Variants in PLEKHG4B observed in about 807,000 individuals in gnomAD.
PLEKHG4B encodes pleckstrin homology and RhoGEF domain containing G4B.
In PLEKHG4B, 111 loss-of-function variants were observed where a neutral mutation model predicts 121.3. The observed-to-expected ratio is 0.92, with a 90% CI of 0.78 to 1.07. The LOEUF (loss-of-function observed/expected upper bound fraction) is 1.07. Among genes scored for constraint, PLEKHG4B ranks in the 50% least tolerant of loss-of-function variants. PLEKHG4B has a pLI of 0.00. For missense variants in PLEKHG4B, 1,831 were observed against 1,757.8 expected, an observed-to-expected ratio of 1.04 and a Z score of -0.74; for synonymous variants, 738 against 725.0, an observed-to-expected ratio of 1.02 and a Z score of -0.29.
Position 183,416 on chromosome 5 carries a change from A to G in PLEKHG4B, c.*1093A>G, listed in dbSNP as rs1343119762. 2 of 152,222 alleles carry G rather than the reference A, an allele frequency of 1.3e-5. No individual in the cohort carries two copies. Among genetic ancestry groups the G allele is most frequent in the African/African-American group, 4.8e-5 (2 of 41,442 alleles). 9.4% of individuals were successfully genotyped at this position (152,222 alleles called of 1,614,324 possible). On this transcript the variant is annotated 3_prime_UTR_variant, in exon 20 of 20. Coordinates refer to ENST00000637938, the MANE Select transcript of PLEKHG4B (RefSeq NM_052909.5). ...ACCCAGAGCCAGCGTCTGTGCTAGA[A>G]TCACAGAATTCAAACTGTGGCTGAA...
In PLEKHG4B at chr5:143,161, G is replaced by A; in HGVS notation, c.1592G>A (p.Trp531Ter). ...CAGCCACACCCCGAGCAAGAAGGGT[G>A]GCCACCCGGCACAGGAGACTTCCCC... is the stretch of plus-strand genomic sequence containing the variant. ...ARQPHPEQEG[W>*]PPGTGDFPSQ... The change falls in exon 4 of 20, where the codon TGG becomes TAG. Residue 531 changes from tryptophan to a stop codon, truncating the protein, a stop_gained. Transcript: ENST00000637938. LOFTEE classifies it high-confidence loss of function. 1 of 1,612,314 alleles carries A rather than the reference G, an allele frequency of 6.2e-7. No homozygotes were observed.
At chr5:151,725 C>A in intron 7 of PLEKHG4B, 126 bp downstream of exon 7, 1 of 586,348 alleles carries the variant, frequency 1.7e-6, no homozygotes, top group Non-Finnish European at 2.8e-6. Flanking sequence ...GCCTGGAAAC[C>A]TACTTCCTAC....
intron 2 of PLEKHG4B, among the ~76,000 whole-genome samples, chr5:123,661 T>A (rs1230850458): frequency 1.3e-5 from 2 of 152,184 alleles, no homozygotes; most frequent in Non-Finnish European, 2.9e-5. Flanking sequence ...CAGCTAATAA[T>A]AATTTTTCAT....
intron 1 of PLEKHG4B, among the ~76,000 whole-genome samples, chr5:102,816 T>A (rs936320847): frequency 6.6e-6 from 1 of 152,158 alleles, no homozygotes; most frequent in African/African-American, 2.4e-5. Context: ...TTGGGCCCCC[T>A]TGGAACTCCT....
At chr5:119,540 A>T (rs1734407435) in intron 2 of PLEKHG4B, among the ~76,000 whole-genome samples, 1 of 152,176 alleles carries the variant, frequency 6.6e-6, no homozygotes, top group Non-Finnish European at 1.5e-5. Context: ...GAACATGAAG[A>T]CCTTTACCAC....
At chr5:105,068 G>A (rs1195707846) in intron 1 of PLEKHG4B, among the ~76,000 whole-genome samples, 10 of 152,178 alleles carry the variant, frequency 6.6e-5, no homozygotes. Flanking sequence ...GGTGAGGGCT[G>A]TTCTGGTTCT....
rs944584786 is a variant in PLEKHG4B at position 127,399 on chromosome 5, G to A, written c.244-12084G>A. ...TTATTATAGGCTGCCTCTGTGCCAA[G>A]GCCCAGCCTGAGGTGTAACCGTAAG... On this transcript the variant is annotated intron_variant, in intron 2 of 19. Coordinates refer to ENST00000637938, the MANE Select transcript of PLEKHG4B (RefSeq NM_052909.5). 7.7e-5 allele frequency among the ~76,000 whole-genome samples: 11 copies of A among 142,694 alleles called. 1 individual carries two copies. The Admixed American group carries it at 7.8e-4, about 10-fold the overall frequency. 93.6% of individuals were successfully genotyped at this position (142,694 alleles called of 152,430 possible).
intron 6 of PLEKHG4B, among the ~76,000 whole-genome samples, chr5:148,132 C>CA (rs886780174): frequency 3.3e-5 from 5 of 151,322 alleles, no homozygotes; most frequent in African/African-American, 4.9e-5. Flanking sequence ...TACTCAATGG[C>CA]AAAAAAACTG....
At chr5:147,387 G>A (rs1735454447) in intron 6 of PLEKHG4B, among the ~76,000 whole-genome samples, 1 of 152,206 alleles carries the variant, frequency 6.6e-6, no homozygotes. Flanking sequence ...GCAGTGGTCT[G>A]TGCTTCACCT....
intron 13 of PLEKHG4B, 117 bp downstream of exon 13, chr5:163,665 T>A: frequency 1.2e-6 from 1 of 858,188 alleles, no homozygotes; most frequent in Non-Finnish European, 1.7e-6. Flanking sequence ...CAGACATCCC[T>A]CTGGGTCCAC....
chr5:92,542 G>A, intron 1 of PLEKHG4B, among the ~76,000 whole-genome samples: 1 of 144,526 alleles, frequency 6.9e-6, no homozygotes, highest in African/African-American at 2.6e-5. Flanking sequence ...GGGGACTGGG[G>A]TGGGAGGGGG....
rs924109898 is a variant in PLEKHG4B, at chr5:188,249, G to A, written c.*5926G>A. 8 of 152,538 alleles carry A rather than the reference G, an allele frequency of 5.2e-5. No individual in the cohort carries two copies. Among genetic ancestry groups the A allele is most frequent in the Non-Finnish European group, 1.2e-4 (8 of 68,176 alleles). 9.4% of individuals were successfully genotyped at this position (152,538 alleles called of 1,614,324 possible). ...ACACGCCTCTCCCAAGGTCACCCACGTGGGGGCTTTGTTACTCATGCTTCC... is the reference window on the plus strand; with the variant it reads ...ACACGCCTCTCCCAAGGTCACCCACATGGGGGCTTTGTTACTCATGCTTCC... On this transcript the variant is annotated 3_prime_UTR_variant, in exon 20 of 20. Coordinates refer to ENST00000637938, the MANE Select transcript of PLEKHG4B (RefSeq NM_052909.5).
Position 140,162 on chromosome 5 carries a change from CG to C in PLEKHG4B, c.928del (p.Glu310ArgfsTer72). ...PRMPPENCGG[S>X]GERPDPMDQE... Reference sequence around the variant, plus strand: ...ATGCCCCCTGAGAACTGTGGGGGGTCGGGGGAGAGGCCGGACCCCATGGACC... The same window carrying C: ...ATGCCCCCTGAGAACTGTGGGGGGTCGGGGAGAGGCCGGACCCCATGGACC... On this transcript the variant is annotated frameshift_variant, in exon 3 of 20. Transcript: ENST00000637938. LOFTEE classifies it high-confidence loss of function. The C allele has an allele frequency of 2.5e-6, 2 of 807,812 alleles. No individual in the cohort carries two copies. The highest frequency in any genetic ancestry group is 1.8e-5 in the African/African-American group (1 of 56,326). The allele number at this position is 807,812 out of a possible 1,614,324, so 50.0% of individuals were successfully genotyped here.
intron 1 of PLEKHG4B, among the ~76,000 whole-genome samples, chr5:96,351 G>A (rs1253145040): frequency 6.6e-6 from 1 of 151,270 alleles, no homozygotes; most frequent in African/African-American, 2.5e-5. Context: ...AAGGAAAAAA[G>A]AATGAGTTCC....
In PLEKHG4B at chr5:161,846, C is replaced by T. The variant is rs753789509; in HGVS notation, c.2551C>T (p.Gln851Ter). 3.1e-6 allele frequency: 5 copies of T among 1,613,782 alleles called. No individual in the cohort carries two copies. The South Asian group carries it at 4.4e-5, about 14-fold the overall frequency. Residue 851 changes from glutamine (Q) to a stop codon, truncating the protein, a stop_gained, in exon 12 of 20, where the codon CAG (glutamine) becomes TAG (stop). Coordinates refer to ENST00000637938, the MANE Select transcript of PLEKHG4B (RefSeq NM_052909.5). LOFTEE classifies it high-confidence loss of function. ...ENPQRTEEMV[Q>*]DFRRGLSAVV... Reference sequence around the variant, plus strand: ...CCCGCAACGTACAGAGGAAATGGTCCAGGATTTCAGAAGGGGCCTGAGCGC... The same window carrying T: ...CCCGCAACGTACAGAGGAAATGGTCTAGGATTTCAGAAGGGGCCTGAGCGC...
At chr5:181,386 G>GAAAA in intron 18 of PLEKHG4B, 128 bp from the exon 19 acceptor site, 1 of 962,688 alleles carries the variant, frequency 1.0e-6, no homozygotes, top group Non-Finnish European at 1.5e-6. Context: ...TGCCCCTCGT[G>GAAAA]GGGCAGGGTG....
At chr5:153,257 A>G (rs1404580950) in intron 7 of PLEKHG4B, among the ~76,000 whole-genome samples, 2 of 152,130 alleles carry the variant, frequency 1.3e-5, no homozygotes, top group Admixed American at 1.3e-4. Context: ...TAATAATTCC[A>G]ACATCTGGGT....
At chr5:136,542 C>G (rs745568110) in intron 2 of PLEKHG4B, among the ~76,000 whole-genome samples, 1 of 152,222 alleles carries the variant, frequency 6.6e-6, no homozygotes, top group Middle Eastern at 3.4e-3. Context: ...ATACAAGTGT[C>G]CAATAAGCAC....
At position 140,511 on chromosome 5, in the gene PLEKHG4B, A is replaced by C. The variant is rs761614684; in HGVS notation, c.1272A>C (p.Thr424=). The part of the protein sequence containing the change: ...LEKERHTPSR[T]GPGAAGRTLP... ...AGGAGAGGCACACACCCAGCCGGAC[A>C]GGTCCAGGAGCTGCAGGGCGGACTC... is the stretch of plus-strand genomic sequence containing the variant. The change falls in exon 3 of 20, where the codon ACA becomes ACC. Residue 424 remains threonine, a synonymous_variant. Coordinates refer to ENST00000637938, the MANE Select transcript of PLEKHG4B (RefSeq NM_052909.5). The C allele has an allele frequency of 1.9e-6, 3 of 1,597,708 alleles. No homozygotes were observed. Among genetic ancestry groups the C allele is most frequent in the Non-Finnish European group, 2.6e-6 (3 of 1,172,664 alleles).
Sources: gnomAD v4.1 joint callset for allele counts (sites outside exome capture counted in the v4.1 genomes callset) on GRCh38, gnomAD v4.1.1 for gene constraint, MANE v1.5 for transcripts, NCBI Gene and HGNC (gene_info 2026-07-23, HGNC 2026-07-21) for gene names.